HCN1: variants seen among roughly 807,000 people sequenced by gnomAD.
HCN1 encodes potassium/sodium hyperpolarization-activated cyclic nucleotide-gated channel 1.
Under a neutral mutation model 78.9 loss-of-function variants are expected in HCN1, and 13 were observed. That is an observed-to-expected ratio of 0.16 (90% CI 0.11 to 0.26). The LOEUF (loss-of-function observed/expected upper bound fraction) is 0.26. Ranked by LOEUF, HCN1 falls within the 10% of genes least tolerant of loss-of-function variation. The pLI is 1.00. For missense variants in HCN1, 810 were observed against 1,154.3 expected (o/e 0.70, Z 4.32); for synonymous variants, 552 against 455.5 (o/e 1.21, Z -2.70).
intron 2 of HCN1, among the ~76,000 whole-genome samples, chr5:45,532,796 A>C (rs1014870043): frequency 2.0e-5 from 3 of 152,192 alleles, no homozygotes; most frequent in Non-Finnish European, 4.4e-5. Context: ...TTTTTATAGA[A>C]AGGATATTTT....
intron 2 of HCN1, among the ~76,000 whole-genome samples, chr5:45,570,861 C>T (rs556388794): frequency 6.6e-4 from 100 of 152,146 alleles, no homozygotes; most frequent in African/African-American, 1.6e-3. Context: ...AAACCTGCTG[C>T]GGAATTTAAA....
At chr5:45,347,889 T>C (rs898151328) in intron 5 of HCN1, among the ~76,000 whole-genome samples, 13 of 152,182 alleles carry the variant, frequency 8.5e-5, no homozygotes, top group African/African-American at 2.9e-4. Flanking sequence ...CTACGTCTGA[T>C]TGGTGTACCT....
At chr5:45,358,815 C>T (rs1021725693) in intron 4 of HCN1, among the ~76,000 whole-genome samples, 7 of 152,166 alleles carry the variant, frequency 4.6e-5, no homozygotes, top group African/African-American at 1.7e-4. Flanking sequence ...TTTCCTGACG[C>T]CCCGCTTGTC....
At chr5:45,407,353 TG>T (rs1446529596) in intron 3 of HCN1, among the ~76,000 whole-genome samples, 1 of 152,108 alleles carries the variant, frequency 6.6e-6, no homozygotes, top group African/African-American at 2.4e-5. Flanking sequence ...TATATGATTA[TG>T]TATGGTATAT....
chr5:45,591,281 A>G (rs570544634), intron 2 of HCN1, among the ~76,000 whole-genome samples: 1 of 152,178 alleles, frequency 6.6e-6, no homozygotes, highest in Non-Finnish European at 1.5e-5. Context: ...CTTTTGGGTA[A>G]ATACCAAGGG....
At chr5:45,491,986 A>G (rs914507137) in intron 2 of HCN1, among the ~76,000 whole-genome samples, 8 of 152,164 alleles carry the variant, frequency 5.3e-5, no homozygotes, top group African/African-American at 1.9e-4. Flanking sequence ...TACATAACCA[A>G]GTATAACAAA....
chr5:45,438,461 G>A (rs1740603658), intron 3 of HCN1, among the ~76,000 whole-genome samples: 1 of 151,826 alleles, frequency 6.6e-6, no homozygotes, highest in African/African-American at 2.4e-5. Context: ...CGTGGTGTCA[G>A]GTGCCTGTAG....
intron 2 of HCN1, among the ~76,000 whole-genome samples, chr5:45,505,405 T>A (rs1004169360): frequency 2.6e-5 from 4 of 152,162 alleles, no homozygotes; most frequent in Non-Finnish European, 5.9e-5. Flanking sequence ...AAAGATCAGA[T>A]GGTTGTAGAT....
chr5:45,351,139 C>T (rs1456811713), intron 5 of HCN1, among the ~76,000 whole-genome samples: 1 of 152,062 alleles, frequency 6.6e-6, no homozygotes, highest in Admixed American at 6.6e-5. Context: ...TACAAGTCTA[C>T]AGTAACCAAA....
At chr5:45,312,746 C>T (rs375683229) in intron 5 of HCN1, among the ~76,000 whole-genome samples, 40 of 152,304 alleles carry the variant, frequency 2.6e-4, no homozygotes, top group African/African-American at 7.5e-4. Flanking sequence ...GGGGGTCCCA[C>T]GCCCACAGAG....
At chr5:45,664,420 C>A (rs1745990407) in intron 1 of HCN1, among the ~76,000 whole-genome samples, 1 of 139,198 alleles carries the variant, frequency 7.2e-6, no homozygotes, top group Non-Finnish European at 1.5e-5. Flanking sequence ...AACTAACCTG[C>A]ACAATGTGCA....
intron 2 of HCN1, among the ~76,000 whole-genome samples, chr5:45,481,491 A>T (rs1182697143): frequency 6.6e-6 from 1 of 152,222 alleles, no homozygotes; most frequent in South Asian, 2.1e-4. Context: ...AGAAGCTGAC[A>T]TAGTTTGGAA....
At chr5:45,669,710 A>G (rs184467121) in intron 1 of HCN1, among the ~76,000 whole-genome samples, 11 of 151,950 alleles carry the variant, frequency 7.2e-5, no homozygotes, top group Admixed American at 5.3e-4. Context: ...AAACTTTTAG[A>G]TTGATCATGC....
chr5:45,643,250 A>G (rs889653551), intron 2 of HCN1: 16 of 152,084 alleles, frequency 1.1e-4, no homozygotes, highest in Admixed American at 2.6e-4. Flanking sequence ...ATTTTATCTG[A>G]TAGGATGCCA....
At chr5:45,522,183 CCCT>C (rs1404081218) in intron 2 of HCN1, among the ~76,000 whole-genome samples, 1 of 151,608 alleles carries the variant, frequency 6.6e-6, no homozygotes, top group Non-Finnish European at 1.5e-5. Context: ...AATTTTATTC[CCCT>C]AAGTTGTTAA....
At chr5:45,523,341 C>A (rs994810609) in intron 2 of HCN1, among the ~76,000 whole-genome samples, 1 of 151,980 alleles carries the variant, frequency 6.6e-6, no homozygotes, top group Admixed American at 6.6e-5. Flanking sequence ...GTCTTTATAG[C>A]AGCATGATTT....
chr5:45,672,029 G>T lies in HCN1; in HGVS notation c.425+23640C>A, dbSNP rs575770335. On this transcript the variant is annotated intron_variant, in intron 1 of 7. Transcript: ENST00000303230. ...TTTCCTGAATTTCAACAATGTCATG[G>T]GGAAACAGGGGTGGCAGAGAGGAAA... Among the ~76,000 whole-genome samples the T allele has an allele frequency of 2.6e-5, 4 of 151,578 alleles. No homozygotes were observed. In the South Asian group the frequency reaches 8.3e-4, roughly 31 times the overall value.
intron 1 of HCN1, among the ~76,000 whole-genome samples, chr5:45,675,206 G>A (rs568393427): frequency 1.3e-4 from 19 of 151,702 alleles, no homozygotes; most frequent in African/African-American, 4.6e-4. Context: ...TCTGATAGTA[G>A]CTTGGCCCCC....
chr5:45,648,909 G>T (rs1432396253), intron 1 of HCN1, among the ~76,000 whole-genome samples: 1 of 151,712 alleles, frequency 6.6e-6, no homozygotes, highest in African/African-American at 2.4e-5. Flanking sequence ...CAATCAATTT[G>T]CTAGGTCAAC....
Sources: gnomAD v4.1 joint callset for allele counts (sites outside exome capture counted in the v4.1 genomes callset) on GRCh38, gnomAD v4.1.1 for gene constraint, MANE v1.5 for transcripts, NCBI Gene and HGNC (gene_info 2026-07-23, HGNC 2026-07-21) for gene names.